The following RAD51 variants were observed in gnomAD, a reference collection of about 807,000 sequenced individuals.
RAD51 encodes RAD51 recombinase.
In RAD51, 14 loss-of-function variants were observed where a neutral mutation model predicts 41.5. The observed-to-expected ratio is 0.34, with a 90% confidence interval of 0.22 to 0.53. The LOEUF is 0.53. RAD51 is among the 20% of genes least tolerant of loss of function. RAD51 has a pLI of 0.95. For missense variants in RAD51, 234 were observed against 422.0 expected, an observed-to-expected ratio of 0.55 and a Z score of 3.90; for synonymous variants, 136 against 148.6, an observed-to-expected ratio of 0.92 and a Z score of 0.62.
chr15:40,713,618 T>G (rs1895831432), intron 5 of RAD51, among the ~76,000 whole-genome samples: 3 of 151,006 alleles, frequency 2.0e-5, no homozygotes, highest in African/African-American at 7.3e-5. Context: ...TTTTTTTTTT[T>G]TTTTTTGAGG....
At chr15:40,727,220 C>T (rs1224106599) in intron 6 of RAD51, among the ~76,000 whole-genome samples, 1 of 152,016 alleles carries the variant, frequency 6.6e-6, no homozygotes, top group Non-Finnish European at 1.5e-5. Context: ...ACTCAGCCTC[C>T]CAGAGTGCTG....
intron 5 of RAD51, among the ~76,000 whole-genome samples, chr15:40,718,410 C>G (rs1458165927): frequency 6.7e-6 from 1 of 149,776 alleles, no homozygotes; most frequent in African/African-American, 2.5e-5. Flanking sequence ...CTCAACAACT[C>G]AGGAGGCTGA....
At chr15:40,708,695 C>T (rs45571635) in intron 4 of RAD51, among the ~76,000 whole-genome samples, 1 of 152,060 alleles carries the variant, frequency 6.6e-6, no homozygotes, top group African/African-American at 2.4e-5. Context: ...GTGATCCTCT[C>T]ACCTTAGCTC....
intron 6 of RAD51, among the ~76,000 whole-genome samples, chr15:40,719,865 G>A (rs1206008015): frequency 2.0e-5 from 3 of 151,538 alleles, no homozygotes; most frequent in East Asian, 1.9e-4. Context: ...TATACAAAGA[G>A]GAACATTTTA....
intron 4 of RAD51, among the ~76,000 whole-genome samples, chr15:40,708,368 C>CCCGTAA (rs1895491227): frequency 6.6e-6 from 1 of 150,766 alleles, no homozygotes; most frequent in Non-Finnish European, 1.5e-5. Context: ...GCTGGGATTA[C>CCCGTAA]AGGTGCCCAT....
chr15:40,708,013 G>GA (rs1895462699), intron 4 of RAD51, among the ~76,000 whole-genome samples: 1 of 140,366 alleles, frequency 7.1e-6, no homozygotes, highest in Non-Finnish European at 1.5e-5. Context: ...ACTGTGCCCA[G>GA]CTTTTTTTTT....
chr15:40,710,726 G>C (rs1392790525), intron 5 of RAD51, among the ~76,000 whole-genome samples: 1 of 151,964 alleles, frequency 6.6e-6, no homozygotes, highest in Non-Finnish European at 1.5e-5. Context: ...CCTGCTCTTT[G>C]CATCAAATCT....
At chr15:40,728,878 C>A in intron 7 of RAD51, 54 bp downstream of exon 7, 1 of 1,419,666 alleles carries the variant, frequency 7.0e-7, no homozygotes, top group Non-Finnish European at 1.0e-6. Flanking sequence ...TTCCCTGAAT[C>A]TTGTAATGGC....
At chr15:40,705,349 T>G (rs1295249128) in intron 3 of RAD51, among the ~76,000 whole-genome samples, 1 of 152,204 alleles carries the variant, frequency 6.6e-6, no homozygotes, top group Non-Finnish European at 1.5e-5. Flanking sequence ...TACAGAACAC[T>G]TATCTGTAAT....
At chr15:40,706,757 G>T (rs1895369189) in intron 4 of RAD51, among the ~76,000 whole-genome samples, 1 of 152,128 alleles carries the variant, frequency 6.6e-6, no homozygotes. Context: ...CTGCTGCAAG[G>T]TAGGACCTTA....
At chr15:40,702,059 G>C (rs542781166) in intron 3 of RAD51, 1 of 157,948 alleles carries the variant, frequency 6.3e-6, no homozygotes, top group Non-Finnish European at 1.4e-5. Flanking sequence ...TGGGATTACA[G>C]GTGTGAGCCA....
At chr15:40,710,269 A>AAAAAAAAAAAAAAAAAAAG in intron 5 of RAD51, among the ~76,000 whole-genome samples, 1 of 104,362 alleles carries the variant, frequency 9.6e-6, no homozygotes, top group Non-Finnish European at 1.7e-5. Flanking sequence ...AAAAAAAAAA[A>AAAAAAAAAAAAAAAAAAAG]AGAAGAAGAA....
intron 5 of RAD51, among the ~76,000 whole-genome samples, chr15:40,709,380 T>C (rs201919545): frequency 1.4e-5 from 2 of 144,672 alleles, no homozygotes; most frequent in Admixed American, 7.0e-5. Flanking sequence ...ACTTTTTTTT[T>C]TTTTTTTTTT....
chr15:40,710,038 TGA>T (rs1159006910), intron 5 of RAD51, among the ~76,000 whole-genome samples: 1 of 151,848 alleles, frequency 6.6e-6, no homozygotes, highest in East Asian at 1.9e-4. Context: ...GTCAGGAGAT[TGA>T]GACCATCCTG....
intron 3 of RAD51, 59 bp from the exon 4 acceptor site, chr15:40,706,118 C>G: frequency 7.6e-7 from 1 of 1,314,674 alleles, no homozygotes; most frequent in Non-Finnish European, 1.1e-6. Flanking sequence ...TTTTTGCCAT[C>G]AAGATCACTG....
chr15:40,697,865 A>T (rs1467739515), intron 1 of RAD51, among the ~76,000 whole-genome samples: 2 of 152,180 alleles, frequency 1.3e-5, no homozygotes, highest in Non-Finnish European at 2.9e-5. Context: ...ATGATATTTC[A>T]ATACATATAT....
At chr15:40,727,839 T>C (rs890129360) in intron 6 of RAD51, among the ~76,000 whole-genome samples, 5 of 150,992 alleles carry the variant, frequency 3.3e-5, no homozygotes, top group African/African-American at 1.2e-4. Flanking sequence ...CATAGCACAC[T>C]GGGTTTTATG....
intron 6 of RAD51, among the ~76,000 whole-genome samples, chr15:40,721,695 T>C (rs1896279596): frequency 6.6e-6 from 1 of 152,186 alleles, no homozygotes; most frequent in Non-Finnish European, 1.5e-5. Flanking sequence ...ACAGTGCTGA[T>C]GTAGATGAAT....
At chr15:40,727,334 A>C (rs925252729) in intron 6 of RAD51, among the ~76,000 whole-genome samples, 1 of 151,858 alleles carries the variant, frequency 6.6e-6, no homozygotes, top group Non-Finnish European at 1.5e-5. Flanking sequence ...TTTGAGACAG[A>C]GTCTTGCTCT....
Sources: allele counts gnomAD v4.1 joint callset (sites outside exome capture counted in the v4.1 genomes callset), GRCh38; gene constraint gnomAD v4.1.1; transcripts MANE v1.5; gene names NCBI Gene and HGNC (gene_info 2026-07-23, HGNC 2026-07-21).